ERC2: variants seen among roughly 807,000 people sequenced by gnomAD.
The protein encoded by ERC2 is ERC protein 2.
In ERC2, 42 loss-of-function variants were observed where a neutral mutation model predicts 114.8. The observed-to-expected ratio is 0.37, with a 90% CI of 0.29 to 0.47. The LOEUF is 0.47. Ranked by LOEUF, ERC2 falls within the 20% of genes least tolerant of loss-of-function variation. ERC2 has a pLI of 0.99. For missense variants in ERC2, 939 were observed against 1,150.7 expected (o/e 0.82, Z 2.66); for synonymous variants, 454 against 425.5 (o/e 1.07, Z -0.82).
intron 7 of ERC2, among the ~76,000 whole-genome samples, chr3:56,028,973 T>G (rs1560049215): frequency 6.6e-6 from 1 of 152,090 alleles, no homozygotes; most frequent in Non-Finnish European, 1.5e-5. Context: ...CTGAGATAGC[T>G]CTCCTCTGCT....
At chr3:55,733,797 G>A (rs567479960) in intron 15 of ERC2, among the ~76,000 whole-genome samples, 4 of 152,266 alleles carry the variant, frequency 2.6e-5, no homozygotes, top group African/African-American at 9.6e-5. Context: ...CCTGCCCCAG[G>A]GGCTGAGTCA....
intron 6 of ERC2, among the ~76,000 whole-genome samples, chr3:56,102,210 G>A (rs939224238): frequency 2.6e-5 from 4 of 152,252 alleles, no homozygotes; most frequent in South Asian, 4.1e-4. Flanking sequence ...TGGGTGGGAC[G>A]GGGTGGACTG....
At chr3:55,773,102 C>G (rs757959791) in intron 14 of ERC2, among the ~76,000 whole-genome samples, 3 of 152,204 alleles carry the variant, frequency 2.0e-5, no homozygotes, top group South Asian at 4.1e-4. Context: ...TTCCTCTGCT[C>G]AAAACCTTCC....
intron 3 of ERC2, among the ~76,000 whole-genome samples, chr3:56,281,394 G>A (rs1410299489): frequency 3.2e-5 from 3 of 92,918 alleles, no homozygotes; most frequent in South Asian, 4.8e-4. Context: ...CCGAGATCCC[G>A]CCACTGCACT....
intron 2 of ERC2, among the ~76,000 whole-genome samples, chr3:56,387,156 T>C (rs1388002383): frequency 2.6e-5 from 4 of 152,216 alleles, no homozygotes; most frequent in Non-Finnish European, 5.9e-5. Flanking sequence ...ATTTTGGCTA[T>C]ATAATAAATA....
At chr3:56,410,229 T>G (rs1211891429) in intron 2 of ERC2, among the ~76,000 whole-genome samples, 1 of 152,212 alleles carries the variant, frequency 6.6e-6, no homozygotes, top group East Asian at 1.9e-4. Flanking sequence ...AAACTGATCT[T>G]AATTTATGTC....
At chr3:55,926,232 A>G (rs746421500) in intron 13 of ERC2, among the ~76,000 whole-genome samples, 2 of 152,152 alleles carry the variant, frequency 1.3e-5, no homozygotes, top group Non-Finnish European at 2.9e-5. Flanking sequence ...AAATTTAAAA[A>G]GACATGTAGG....
intron 14 of ERC2, among the ~76,000 whole-genome samples, chr3:55,778,033 A>G (rs1043001447): frequency 2.6e-5 from 4 of 152,242 alleles, no homozygotes; most frequent in Non-Finnish European, 5.9e-5. Context: ...CTGTTGGCTG[A>G]CATGATCCTT....
intron 3 of ERC2, among the ~76,000 whole-genome samples, chr3:56,275,871 G>A (rs111542227): frequency 9.3e-4 from 141 of 152,266 alleles, no homozygotes; most frequent in Middle Eastern, 3.4e-3. Flanking sequence ...ATAGATGGAC[G>A]TCAGGGATGT....
intron 15 of ERC2, among the ~76,000 whole-genome samples, chr3:55,730,090 T>C (rs1024824629): frequency 4.6e-5 from 7 of 152,088 alleles, no homozygotes; most frequent in African/African-American, 1.4e-4. Context: ...GTTTCTCTGA[T>C]GACAGCTGTG....
intron 4 of ERC2, among the ~76,000 whole-genome samples, chr3:56,155,992 G>C (rs1212000280): frequency 2.0e-5 from 3 of 152,246 alleles, no homozygotes; most frequent in African/African-American, 7.2e-5. Context: ...ATTTGTACTA[G>C]GTTCTGAAAG....
intron 17 of ERC2, among the ~76,000 whole-genome samples, chr3:55,533,851 G>A (rs546773624): frequency 3.5e-4 from 53 of 152,238 alleles, no homozygotes; most frequent in African/African-American, 1.7e-4. Flanking sequence ...CATTTCCTTC[G>A]AATTCAAGAT....
At chr3:55,995,079 AAACC>A (rs2071403434) in intron 10 of ERC2, among the ~76,000 whole-genome samples, 2 of 152,220 alleles carry the variant, frequency 1.3e-5, no homozygotes, top group Non-Finnish European at 2.9e-5. Context: ...TCACGCCTGT[AAACC>A]CAGCACTTTG....
At chr3:55,764,243 A>G (rs2067630453) in intron 14 of ERC2, among the ~76,000 whole-genome samples, 1 of 152,260 alleles carries the variant, frequency 6.6e-6, no homozygotes, top group African/African-American at 2.4e-5. Context: ...TGCAACAGCC[A>G]TAACAGATGA....
At chr3:55,528,035 G>A (rs1215420258) in intron 17 of ERC2, among the ~76,000 whole-genome samples, 1 of 152,154 alleles carries the variant, frequency 6.6e-6, no homozygotes, top group Non-Finnish European at 1.5e-5. Flanking sequence ...AGGATCAGGG[G>A]TAATATGTAC....
chr3:55,991,415 C>CTATA (rs2071049478), intron 11 of ERC2, among the ~76,000 whole-genome samples: 1 of 152,188 alleles, frequency 6.6e-6, no homozygotes, highest in African/African-American at 2.4e-5. Flanking sequence ...AGCATCCACA[C>CTATA]TATACATAAA....
At position 55,673,941 on chromosome 3, in the gene ERC2, T is replaced by C. The variant is rs978835288; in HGVS notation, c.*39+9853A>G. 6.0e-5 allele frequency among the ~76,000 whole-genome samples: 9 copies of C among 150,550 alleles called. 1 individual carries two copies. In the Admixed American group the frequency reaches 6.0e-4, roughly 10 times the overall value. ...GGGATCAGCAAGGTTGCTAATTCCA[T>C]CACACGCTGACTCAGGGCAATCAGA... On this transcript the variant is annotated intron_variant, in intron 17 of 17. Transcript: ENST00000288221.
intron 14 of ERC2, among the ~76,000 whole-genome samples, chr3:55,761,805 G>A (rs976134072): frequency 3.9e-4 from 59 of 150,754 alleles, no homozygotes; most frequent in Admixed American, 8.6e-4. Context: ...GAACCCGAGA[G>A]TTGGAGCTTG....
intron 6 of ERC2, among the ~76,000 whole-genome samples, chr3:56,094,159 T>C (rs2077936389): frequency 6.6e-6 from 1 of 152,200 alleles, no homozygotes; most frequent in Non-Finnish European, 1.5e-5. Flanking sequence ...CTAAAGTATC[T>C]TTAAGCCATC....
Sources: allele counts gnomAD v4.1 joint callset (sites outside exome capture counted in the v4.1 genomes callset), GRCh38; gene constraint gnomAD v4.1.1; transcripts MANE v1.5; gene names NCBI Gene and HGNC (gene_info 2026-07-23, HGNC 2026-07-21).